The following ITGA8 variants were observed in gnomAD, a reference collection of about 807,000 sequenced individuals.
The protein encoded by ITGA8 is integrin subunit alpha 8.
Under a neutral mutation model 142.3 loss-of-function variants are expected in ITGA8, and 91 were observed. The observed-to-expected ratio is 0.64, with a 90% CI of 0.54 to 0.76. The LOEUF (loss-of-function observed/expected upper bound fraction) is 0.76, where lower values mean the gene tolerates loss of function less well. ITGA8 is among the 30% of genes least tolerant of loss of function. The pLI is 0.00. For synonymous variants in ITGA8, 505 were observed against 485.2 expected (o/e 1.04, Z -0.54); for missense variants, 1,406 against 1,327.7 (o/e 1.06, Z -0.92).
chr10:15,557,858 G>GC (rs1325786973), intron 26 of ITGA8, among the ~76,000 whole-genome samples: 1 of 152,224 alleles, frequency 6.6e-6, no homozygotes, highest in Non-Finnish European at 1.5e-5. Flanking sequence ...GGCCTCCATG[G>GC]CAGCTTTAGA....
chr10:15,653,779 A>C (rs1487462401), intron 11 of ITGA8, among the ~76,000 whole-genome samples: 1 of 151,144 alleles, frequency 6.6e-6, no homozygotes, highest in Non-Finnish European at 1.5e-5. Flanking sequence ...GGCATCTTTC[A>C]CTTAGCAATA....
At chr10:15,672,497 A>G (rs1834542901) in intron 7 of ITGA8, 127 bp downstream of exon 7, 1 of 1,152,600 alleles carries the variant, frequency 8.7e-7, no homozygotes, top group Non-Finnish European at 1.2e-6. Context: ...AATTGAGTCC[A>G]CTCTAATAAG....
At chr10:15,586,530 T>TA in intron 23 of ITGA8, 54 bp downstream of exon 23, 1 of 1,040,968 alleles carries the variant, frequency 9.6e-7, no homozygotes, top group Non-Finnish European at 1.5e-6. Flanking sequence ...ACTAGTATTT[T>TA]ATCTTAACTC....
chr10:15,654,415 T>C (rs11253592), intron 11 of ITGA8, among the ~76,000 whole-genome samples: 104,461 of 152,022 alleles, frequency 0.69, 37,225 homozygotes, highest in South Asian at 0.85. Flanking sequence ...AGTAGATGTT[T>C]GAGAAGTTTA....
At chr10:15,718,946 T>G (rs769437662) in intron 1 of ITGA8, 47 bp from the exon 2 acceptor site, 7 of 1,612,806 alleles carry the variant, frequency 4.3e-6, no homozygotes, top group Non-Finnish European at 5.9e-6. Context: ...CACAAAACCG[T>G]GCGCATGCAA....
At chr10:15,694,110 T>TATATATCATATATCTATATTATATAGATA (rs1172375151) in intron 2 of ITGA8, among the ~76,000 whole-genome samples, 1 of 145,870 alleles carries the variant, frequency 6.9e-6, no homozygotes, top group African/African-American at 2.5e-5. Context: ...ACCTATATAT[T>TATATATCATATATCTATATTATATAGATA]ATATATCATA....
chr10:15,703,782 A>G (rs1017212458), intron 2 of ITGA8, among the ~76,000 whole-genome samples: 9 of 152,128 alleles, frequency 5.9e-5, no homozygotes, highest in African/African-American at 2.2e-4. Flanking sequence ...GGCATGCTCA[A>G]ACACACAGAC....
chr10:15,603,125 T>A (rs1262252036), intron 20 of ITGA8, among the ~76,000 whole-genome samples: 3 of 125,954 alleles, frequency 2.4e-5, no homozygotes, highest in Admixed American at 7.8e-5. Flanking sequence ...CTAGATTTTT[T>A]AATTTTTTGT....
chr10:15,518,658 T>C (rs1224468408), intron 29 of ITGA8, among the ~76,000 whole-genome samples: 1 of 152,168 alleles, frequency 6.6e-6, no homozygotes, highest in Non-Finnish European at 1.5e-5. Context: ...TGGCAATTGT[T>C]TAGGTTGGTG....
At chr10:15,577,887 G>T (rs2131585247) in intron 23 of ITGA8, among the ~76,000 whole-genome samples, 1 of 152,224 alleles carries the variant, frequency 6.6e-6, no homozygotes, top group Non-Finnish European at 1.5e-5. Flanking sequence ...GAAGACTGGG[G>T]TACTGTTAAT....
chr10:15,642,790 TG>T (rs1282191399), intron 13 of ITGA8, among the ~76,000 whole-genome samples: 2 of 152,218 alleles, frequency 1.3e-5, no homozygotes, highest in Non-Finnish European at 2.9e-5. Flanking sequence ...GTATCCTTTT[TG>T]TCTAATCCCA....
At chr10:15,653,426 C>T (rs1834125937) in intron 11 of ITGA8, among the ~76,000 whole-genome samples, 1 of 152,184 alleles carries the variant, frequency 6.6e-6, no homozygotes, top group Non-Finnish European at 1.5e-5. Flanking sequence ...ATTACCCTCT[C>T]CCTAACTTGC....
chr10:15,590,357 C>A (rs1832903657), intron 22 of ITGA8, among the ~76,000 whole-genome samples: 2 of 152,192 alleles, frequency 1.3e-5, no homozygotes, highest in South Asian at 4.1e-4. Context: ...AGAACACTAC[C>A]TTGTGTCTTT....
intron 13 of ITGA8, among the ~76,000 whole-genome samples, chr10:15,642,403 G>A (rs1446571238): frequency 6.6e-6 from 1 of 152,114 alleles, no homozygotes; most frequent in Non-Finnish European, 1.5e-5. Flanking sequence ...CTGGTACTAA[G>A]GGTGGGAAGG....
At chr10:15,578,011 T>G (rs1193546919) in intron 23 of ITGA8, among the ~76,000 whole-genome samples, 4 of 152,154 alleles carry the variant, frequency 2.6e-5, no homozygotes, top group African/African-American at 9.6e-5. Flanking sequence ...AGAAATAACT[T>G]GGAGAGATTC....
chr10:15,708,445 C>G (rs370629924), intron 2 of ITGA8, among the ~76,000 whole-genome samples: 1 of 152,080 alleles, frequency 6.6e-6, no homozygotes, highest in Admixed American at 6.6e-5. Flanking sequence ...TTGGTATAAA[C>G]GTCTCACTCA....
intron 13 of ITGA8, among the ~76,000 whole-genome samples, chr10:15,633,558 G>A (rs1833719826): frequency 6.6e-6 from 1 of 152,038 alleles, no homozygotes; most frequent in Admixed American, 6.6e-5. Flanking sequence ...TAGCTGGGAT[G>A]ACAGGTGCGC....
Position 15,586,645 on chromosome 10 carries a change from C to G in ITGA8, c.2311G>C (p.Asp771His). 2.5e-6 allele frequency: 4 copies of G among 1,611,822 alleles called. No individual in the cohort carries two copies. The South Asian group carries it at 4.4e-5, about 18-fold the overall frequency. ...QIRSSNKDNP[D>H]SNFVSLQINI... ...ATTTGCAGGCTCACAAAATTGCTGT[C>G]TGGATTGTCCTTGTTGGAACTAAAA... is the stretch of plus-strand genomic sequence containing the variant. The change falls in exon 23 of 30, where the codon GAC (aspartate) becomes CAC (histidine). Residue 771 changes from aspartate to histidine, a missense_variant. Transcript: ENST00000378076.
chr10:15,588,979 A>C (rs1409774227), intron 22 of ITGA8, among the ~76,000 whole-genome samples: 2 of 152,210 alleles, frequency 1.3e-5, no homozygotes, highest in African/African-American at 4.8e-5. Flanking sequence ...TAAGAAAGGA[A>C]CCAGGCTTGA....
Sources: gnomAD v4.1 joint callset for allele counts (sites outside exome capture counted in the v4.1 genomes callset) on GRCh38, gnomAD v4.1.1 for gene constraint, MANE v1.5 for transcripts, NCBI Gene and HGNC (gene_info 2026-07-23, HGNC 2026-07-21) for gene names.